The following COL4A5 variants were observed in gnomAD, a reference collection of about 807,000 sequenced individuals.
COL4A5 encodes the protein collagen type IV alpha 5 chain.
COL4A5 carries 26 observed loss-of-function variants against 130.2 expected under a neutral mutation model. The ratio of observed to expected loss-of-function variants is 0.20; its 90% CI spans 0.15 to 0.28. The LOEUF is 0.28. Ranked by LOEUF, COL4A5 falls within the 10% of genes least tolerant of loss-of-function variation. The pLI is 1.00. For synonymous variants in COL4A5, 496 were observed against 439.6 expected (o/e 1.13, Z -1.60); for missense variants, 1,131 against 1,344.3 (o/e 0.84, Z 2.48).
intron 44 of COL4A5, among the ~76,000 whole-genome samples, chrX:108,679,898 A>C (rs934362144): frequency 3.6e-5 from 4 of 112,265 alleles, no homozygotes; most frequent in African/African-American, 1.3e-4. Context: ...TGTCAGCAAA[A>C]GACAATGAGA....
chrX:108,542,313 T>G (rs1378788679), intron 2 of COL4A5, among the ~76,000 whole-genome samples: 1 of 104,585 alleles, frequency 9.6e-6, no homozygotes, highest in East Asian at 3.0e-4. Flanking sequence ...TGTGTCCAAG[T>G]GTTCTCATTG....
At chrX:108,531,582 A>G (rs1435214322) in intron 1 of COL4A5, among the ~76,000 whole-genome samples, 1 of 110,357 alleles carries the variant, frequency 9.1e-6, no homozygotes, top group East Asian at 2.8e-4. Flanking sequence ...GAAAGTTAGC[A>G]GAAGAAAAAA....
intron 36 of COL4A5, among the ~76,000 whole-genome samples, chrX:108,639,909 G>GAAGTTGGAACTCTCCTGTATTGCT (rs1362684265): frequency 1.2e-4 from 13 of 112,246 alleles, no homozygotes; most frequent in Non-Finnish European, 2.4e-4. Context: ...AGGATGTGGA[G>GAAGTTGGAACTCTCCTGTATTGCT]AAGTTGGAAC....
intron 43 of COL4A5, among the ~76,000 whole-genome samples, chrX:108,677,213 A>G (rs1005147334): frequency 8.9e-6 from 1 of 112,308 alleles, no homozygotes; most frequent in African/African-American, 3.2e-5. Context: ...TAAGAATTAC[A>G]GAGCCACACA....
At chrX:108,579,970 G>T (rs1369151004) in intron 13 of COL4A5, among the ~76,000 whole-genome samples, 1 of 111,924 alleles carries the variant, frequency 8.9e-6, no homozygotes, top group Non-Finnish European at 1.9e-5. Context: ...GATAGCTCTA[G>T]TTAATTTTGC....
chrX:108,549,957 C>G (rs2065725903), intron 2 of COL4A5, among the ~76,000 whole-genome samples: 1 of 111,112 alleles, frequency 9.0e-6, no homozygotes, highest in Non-Finnish European at 1.9e-5. Context: ...TTACCAAAAA[C>G]AAAAACAAAT....
At chrX:108,511,743 T>G (rs763509679) in intron 1 of COL4A5, among the ~76,000 whole-genome samples, 1 of 112,118 alleles carries the variant, frequency 8.9e-6, no homozygotes, top group East Asian at 2.8e-4. Flanking sequence ...CTGGGAAAAC[T>G]GAATATCAGG....
In COL4A5 at chrX:108,578,280, C is replaced by T. The variant is rs201020166; in HGVS notation, c.688-11C>T. ...AAGTATCACCACTGTCTTATTTTAT[C>T]TTGCAAACAGGGTGAGCAAGGTCTT... On this transcript the variant is annotated splice_polypyrimidine_tract_variant and intron_variant, in intron 12 of 52. Coordinates refer to ENST00000328300, the MANE Select transcript of COL4A5 (RefSeq NM_033380.3). The T allele has an allele frequency of 6.4e-4, 768 of 1,201,008 alleles. 1 individual carries two copies. The highest frequency in any genetic ancestry group is 8.3e-4 in the Non-Finnish European group (734 of 886,933).
chrX:108,512,832 G>A (rs1280170319), intron 1 of COL4A5, among the ~76,000 whole-genome samples: 1 of 111,588 alleles, frequency 9.0e-6, no homozygotes, highest in East Asian at 2.8e-4. Flanking sequence ...TCAGGAGACA[G>A]GGTTTGAGAG....
At position 108,507,263 on chromosome X, in the gene COL4A5, A is replaced by AG. The variant is rs1569479015; in HGVS notation, c.82-32483_82-32482insG. 1.4e-4 allele frequency among the ~76,000 whole-genome samples: 13 copies of AG among 95,147 alleles called. 1 individual carries two copies. The highest frequency in any genetic ancestry group is 5.6e-4 in the African/African-American group (13 of 23,026). 82.6% of individuals were successfully genotyped at this position (95,147 alleles called of 115,157 possible). A position where few individuals can be genotyped will look rare whatever the true frequency, so the allele number is the denominator to read the frequency against. The stretch of plus-strand genomic sequence containing the variant: ...CAACAACAACAAAAAAAAAAAAAAG[A>AG]AAAAAAAAAAAAGAAAACTTCAGGC... On this transcript the variant is annotated intron_variant, in intron 1 of 52. Coordinates refer to ENST00000328300, the MANE Select transcript of COL4A5 (RefSeq NM_033380.3).
At chrX:108,647,008 G>A (rs1674942611) in intron 36 of COL4A5, among the ~76,000 whole-genome samples, 1 of 110,989 alleles carries the variant, frequency 9.0e-6, no homozygotes, top group Non-Finnish European at 1.9e-5. Context: ...TTGAAGTCAG[G>A]TAGCGTGATG....
In COL4A5 at chrX:108,473,633, A is replaced by ATATTT; in HGVS notation, c.81+33428_81+33429insATTTT. Reference sequence around the variant, plus strand: ...TATATGTATATATATATATATATATATTTTTTTTTTTTTGAGATGAAGTCT... The same window carrying ATATTT: ...TATATGTATATATATATATATATATATATTTTTTTTTTTTTTTTGAGATGAAGTCT... On this transcript the variant is annotated intron_variant, in intron 1 of 52. Coordinates refer to ENST00000328300, the MANE Select transcript of COL4A5 (RefSeq NM_033380.3). Among the ~76,000 whole-genome samples, 202 of 34,566 alleles carry ATATTT rather than the reference A, an allele frequency of 5.8e-3. 5 individuals are homozygous for ATATTT. Among genetic ancestry groups the ATATTT allele is most frequent in the African/African-American group, 0.021 (194 of 9,281 alleles). The allele number at this position is 34,566 out of a possible 115,157, so 30.0% of individuals were successfully genotyped here. A position where few individuals can be genotyped will look rare whatever the true frequency, so the allele number is the denominator to read the frequency against.
intron 3 of COL4A5, among the ~76,000 whole-genome samples, chrX:108,560,272 T>G (rs1200908015): frequency 2.7e-5 from 3 of 111,936 alleles, no homozygotes; most frequent in African/African-American, 9.7e-5. Flanking sequence ...GCTTTTTTCT[T>G]AAGTCTTATG....
chrX:108,618,826 C>T (rs182448702), intron 30 of COL4A5, among the ~76,000 whole-genome samples: 77 of 109,479 alleles, frequency 7.0e-4, no homozygotes, highest in African/African-American at 2.4e-3. Context: ...GTACCAGGTA[C>T]TGTAGTTCTT....
At chrX:108,546,611 A>G (rs769165763) in intron 2 of COL4A5, among the ~76,000 whole-genome samples, 5 of 110,726 alleles carry the variant, frequency 4.5e-5, no homozygotes, top group Non-Finnish European at 5.7e-5. Context: ...CTCGAGGAGT[A>G]TCTTTGTGGC....
chrX:108,592,699 T>C (rs2066455529), intron 21 of COL4A5, among the ~76,000 whole-genome samples: 1 of 108,472 alleles, frequency 9.2e-6, no homozygotes, highest in African/African-American at 3.4e-5. Flanking sequence ...TTTAAACATT[T>C]GCATCCCTTA....
chrX:108,622,784 T>C lies in COL4A5; in HGVS notation c.2876T>C (p.Leu959Pro), dbSNP rs748941967. 3 of 1,211,069 alleles carry C rather than the reference T, an allele frequency of 2.5e-6. No homozygotes were observed. The highest frequency in any genetic ancestry group is 3.5e-5 in the South Asian group (2 of 56,924). The change falls in exon 33 of 53, where the codon CTT becomes CCT. Residue 959 changes from leucine (L) to proline (P), a missense_variant. By Grantham distance (98) the Leu-to-Pro change is moderately conservative. Coordinates refer to ENST00000328300, the MANE Select transcript of COL4A5 (RefSeq NM_033380.3). ...CCTCCTGGACCAATGGATCCAAATCTTCTGGGCTCAAAAGGAGAGAAGGGG... is the reference window on the plus strand; with the variant it reads ...CCTCCTGGACCAATGGATCCAAATCCTCTGGGCTCAAAAGGAGAGAAGGGG... ...PGPPGPMDPNLLGSKGEKGEP... is the reference protein window; with the variant it reads ...PGPPGPMDPNPLGSKGEKGEP...
rs759447047 is a variant in COL4A5, at chrX:108,525,311, A to G, written c.82-14435A>G. Among the ~76,000 whole-genome samples the G allele has an allele frequency of 4.5e-5, 5 of 111,832 alleles. No homozygotes were observed. The South Asian group carries it at 1.1e-3, about 25-fold the overall frequency. On this transcript the variant is annotated intron_variant, in intron 1 of 52. Coordinates refer to ENST00000328300, the MANE Select transcript of COL4A5 (RefSeq NM_033380.3). ...TATCTGTTATTAGCACATCTACTCT[A>G]GCTTCCTTAAGGTTGCTGTTAGCAT...
intron 17 of COL4A5, 22 bp from the exon 18 acceptor site, chrX:108,584,462 A>G (rs1229180243): frequency 4.2e-6 from 5 of 1,191,416 alleles, no homozygotes; most frequent in Non-Finnish European, 4.5e-6. Flanking sequence ...TTACTAACCT[A>G]TTTTACAATT....
Sources: allele counts gnomAD v4.1 joint callset (sites outside exome capture counted in the v4.1 genomes callset), GRCh38; gene constraint gnomAD v4.1.1; transcripts MANE v1.5; gene names NCBI Gene and HGNC (gene_info 2026-07-23, HGNC 2026-07-21).